The following CATSPERG variants were observed in gnomAD, a reference collection of about 807,000 sequenced individuals.
The protein encoded by CATSPERG is catsper channel auxiliary subunit gamma.
CATSPERG carries 115 observed loss-of-function variants against 145.0 expected under a neutral mutation model. The ratio of observed to expected loss-of-function variants is 0.79; its 90% CI spans 0.68 to 0.93. The LOEUF is 0.93. Ranked by LOEUF, CATSPERG falls within the 40% of genes least tolerant of loss-of-function variation. CATSPERG has a pLI of 0.00. For missense variants in CATSPERG, 1,296 were observed against 1,490.1 expected (o/e 0.87, Z 2.14); for synonymous variants, 588 against 589.0 (o/e 1.00, Z 0.02).
At chr19:38,345,817 C>T (rs1277850743) in intron 6 of CATSPERG, among the ~76,000 whole-genome samples, 2 of 152,040 alleles carry the variant, frequency 1.3e-5, no homozygotes, top group Admixed American at 6.6e-5. Context: ...TGGCCTCATA[C>T]CCATATTCTT....
chr19:38,355,469 G>A (rs997424950), intron 9 of CATSPERG, among the ~76,000 whole-genome samples: 8 of 151,994 alleles, frequency 5.3e-5, no homozygotes, highest in African/African-American at 1.7e-4. Flanking sequence ...GGCTGAGGTG[G>A]GTGGATCACC....
intron 4 of CATSPERG, 77 bp from the exon 5 acceptor site, chr19:38,343,916 G>A: frequency 6.6e-7 from 1 of 1,517,184 alleles, no homozygotes; most frequent in Non-Finnish European, 8.9e-7. Context: ...GTTGTGGGGA[G>A]ATCCCAGGGT....
Position 38,369,545 on chromosome 19 carries a change from A to G in CATSPERG, c.3021-427A>G, listed in dbSNP as rs1413778223. 2.2e-5 allele frequency: 6 copies of G among 270,382 alleles called. No homozygotes were observed. The East Asian group carries it at 3.7e-4, about 17-fold the overall frequency. 16.7% of individuals were successfully genotyped at this position (270,382 alleles called of 1,614,324 possible). On this transcript the variant is annotated intron_variant, in intron 26 of 28. Transcript: ENST00000409235. Reference sequence around the variant, plus strand: ...CAAAGTGCTGGTATTATAGGTGTGAACCACTATGCCTGGCCTAACCTGCAT... The same window carrying G: ...CAAAGTGCTGGTATTATAGGTGTGAGCCACTATGCCTGGCCTAACCTGCAT...
Position 38,367,669 on chromosome 19 carries a change from T to C in CATSPERG, c.2835-12T>C, listed in dbSNP as rs1279582185. 1 of 1,614,026 alleles carries C rather than the reference T, an allele frequency of 6.2e-7. No individual in the cohort carries two copies. The highest frequency in any genetic ancestry group is 1.7e-5 in the Admixed American group (1 of 60,030). On this transcript the variant is annotated splice_polypyrimidine_tract_variant and intron_variant, in intron 24 of 28. Coordinates refer to ENST00000409235, the MANE Select transcript of CATSPERG (RefSeq NM_021185.5). Reference sequence around the variant, plus strand: ...CCGGAGGCCAGTCTGTGTGCACTTCTGTCCCTGGTAGCTATGTTCTGCTGG... The same window carrying C: ...CCGGAGGCCAGTCTGTGTGCACTTCCGTCCCTGGTAGCTATGTTCTGCTGG...
At chr19:38,364,599 G>A (rs1251410817) in intron 20 of CATSPERG, among the ~76,000 whole-genome samples, 1 of 152,246 alleles carries the variant, frequency 6.6e-6, no homozygotes, top group Non-Finnish European at 1.5e-5. Flanking sequence ...GTAGCAAGCC[G>A]AGATCACGCC....
At chr19:38,342,238 A>C (rs943771486) in intron 3 of CATSPERG, among the ~76,000 whole-genome samples, 22 of 151,424 alleles carry the variant, frequency 1.5e-4, no homozygotes, top group African/African-American at 4.8e-4. Context: ...TAAATAAATA[A>C]ATAAATAAAT....
At chr19:38,336,313 C>CGAGAAGGGGCAGGGCGAG in intron 1 of CATSPERG, 1 of 397,414 alleles carries the variant, frequency 2.5e-6, no homozygotes, top group Admixed American at 2.6e-5. Context: ...CAGTTTTCAT[C>CGAGAAGGGGCAGGGCGAG]GAGAAGGGGC....
In CATSPERG at chr19:38,370,001, A is replaced by G; in HGVS notation, c.3050A>G (p.Tyr1017Cys). Residue 1017 changes from tyrosine to cysteine, a missense_variant, in exon 27 of 29, where the codon TAT becomes TGT. Tyr to Cys is a radical substitution (Grantham distance 194). Transcript: ENST00000409235. The stretch of plus-strand genomic sequence containing the variant: ...CTCTGTCTGGAGAATGCCCCATGCT[A>G]TGACAATGTTCCCCAAGGCATCTTT... Reference protein sequence around the residue: ...EWLCLENAPCYDNVPQGIFAP... With the variant: ...EWLCLENAPCCDNVPQGIFAP... 1.2e-6 allele frequency: 2 copies of G among 1,614,218 alleles called. No homozygotes were observed. The highest frequency in any genetic ancestry group is 2.2e-5 in the South Asian group (2 of 91,092).
At chr19:38,354,033 CTT>C (rs148775481) in intron 8 of CATSPERG, among the ~76,000 whole-genome samples, 15,410 of 142,750 alleles carry the variant, frequency 0.11, 1,186 homozygotes, top group Non-Finnish European at 0.17. Flanking sequence ...CCAAAGCTCT[CTT>C]ATTTCTTCCA....
intron 14 of CATSPERG, chr19:38,360,195 G>A (rs1970319836): frequency 1.0e-6 from 1 of 985,344 alleles, no homozygotes; most frequent in East Asian, 1.1e-4. Context: ...TGGCTGTTAG[G>A]GAGTGTGTGT....
At chr19:38,362,877 T>TTG (rs1568381980) in intron 20 of CATSPERG, 45 bp downstream of exon 20, 1 of 1,168,564 alleles carries the variant, frequency 8.6e-7, no homozygotes, top group Non-Finnish European at 1.2e-6. Flanking sequence ...TTTTGTTTTT[T>TTG]TTTTTTTTTT....
intron 7 of CATSPERG, among the ~76,000 whole-genome samples, chr19:38,349,812 C>A (rs1423932195): frequency 2.0e-5 from 3 of 151,838 alleles, no homozygotes; most frequent in Admixed American, 1.3e-4. Context: ...TTACAGCCAC[C>A]CACCACCACA....
chr19:38,364,115 C>G (rs1007141398), intron 20 of CATSPERG, among the ~76,000 whole-genome samples: 1 of 151,518 alleles, frequency 6.6e-6, no homozygotes, highest in Non-Finnish European at 1.5e-5. Flanking sequence ...ACCTCCCTCC[C>G]GGACGGGGCG....
chr19:38,341,140 G>A (rs1969931357), intron 3 of CATSPERG, among the ~76,000 whole-genome samples: 1 of 152,182 alleles, frequency 6.6e-6, no homozygotes, highest in Non-Finnish European at 1.5e-5. Context: ...GGTCAGGGAA[G>A]TGATGGGGGA....
chr19:38,358,128 AAAGAAAAGAAACTCT>A, intron 11 of CATSPERG, 135 bp from the exon 12 acceptor site: 2 of 699,692 alleles, frequency 2.9e-6, no homozygotes, highest in Non-Finnish European at 4.9e-6. Context: ...GGGGGAAATA[AAAGAAAAGAAACTCT>A]AAGGACTAGC....
intron 6 of CATSPERG, among the ~76,000 whole-genome samples, chr19:38,344,901 A>ATATTTTT (rs1468159196): frequency 1.2e-5 from 1 of 80,008 alleles, no homozygotes; most frequent in African/African-American, 4.8e-5. Context: ...ATATATATAT[A>ATATTTTT]TTTTTTTTTT....
rs190261702 is a variant in CATSPERG, at chr19:38,344,933, G to T, written c.669+565G>T. On this transcript the variant is annotated intron_variant, in intron 6 of 28. Coordinates refer to ENST00000409235, the MANE Select transcript of CATSPERG (RefSeq NM_021185.5). ...TTTTTTTTTTTTTTTTTGAGACGGGGCCTCGCTCTGTCATCCAGGCTGGAG... is the reference window on the plus strand; with the variant it reads ...TTTTTTTTTTTTTTTTTGAGACGGGTCCTCGCTCTGTCATCCAGGCTGGAG... 2.2e-3 allele frequency among the ~76,000 whole-genome samples: 283 copies of T among 126,804 alleles called. 1 individual carries two copies. Among genetic ancestry groups the T allele is most frequent in the Non-Finnish European group, 4.2e-3 (253 of 60,674 alleles). The allele number at this position is 126,804 out of a possible 152,430, so 83.2% of individuals were successfully genotyped here.
rs182744897 is a variant in CATSPERG at position 38,359,148 on chromosome 19, C to G, written c.1497-322C>G. ...TACAGGTGTGAACCACCATGCCCGG[C>G]TAATTGACAAACATTTTCTAGGGAC... On this transcript the variant is annotated intron_variant, in intron 13 of 28. Coordinates refer to ENST00000409235, the MANE Select transcript of CATSPERG (RefSeq NM_021185.5). Among the ~76,000 whole-genome samples, 181 of 152,154 alleles carry G rather than the reference C, an allele frequency of 1.2e-3. 1 individual carries two copies. The highest frequency in any genetic ancestry group is 3.7e-4 in the Non-Finnish European group (25 of 68,012).
chr19:38,365,337 G>T (rs1970429752), intron 22 of CATSPERG: 1 of 536,528 alleles, frequency 1.9e-6, no homozygotes, highest in Non-Finnish European at 3.3e-6. Flanking sequence ...GAGTGCGGCG[G>T]CGCGGTCTTG....
Sources: gnomAD v4.1 joint callset for allele counts (sites outside exome capture counted in the v4.1 genomes callset) on GRCh38, gnomAD v4.1.1 for gene constraint, MANE v1.5 for transcripts, NCBI Gene and HGNC (gene_info 2026-07-23, HGNC 2026-07-21) for gene names.